The following PCDH11X variants were observed in gnomAD, a reference collection of about 807,000 sequenced individuals.
PCDH11X encodes the protein protocadherin 11 X-linked.
A neutral mutation model predicts 53.3 loss-of-function variants in PCDH11X; 18 were observed. The observed-to-expected ratio is 0.34, with a 90% CI of 0.23 to 0.50. PCDH11X has a LOEUF of 0.50. PCDH11X is among the 20% of genes least tolerant of loss of function. The pLI, the probability that PCDH11X is intolerant of heterozygous loss-of-function variation, is 0.98. For missense variants in PCDH11X, 570 were observed against 1,032.4 expected (o/e 0.55, Z 6.14); for synonymous variants, 279 against 393.3 (o/e 0.71, Z 3.44).
chrX:92,448,373 G>A (rs1274489229), intron 9 of PCDH11X, among the ~76,000 whole-genome samples: 3 of 87,690 alleles, frequency 3.4e-5, no homozygotes, highest in African/African-American at 8.5e-5. Context: ...CTGAATTATG[G>A]GGGTGGGTCT....
rs978870216 is a variant in PCDH11X, at chrX:92,620,493, G to C, written c.*1553G>C. The C allele has an allele frequency of 2.9e-5, 3 of 102,411 alleles. No homozygotes were observed. The highest frequency in any genetic ancestry group is 1.1e-4 in the African/African-American group (3 of 28,380). The allele number at this position is 102,411 out of a possible 1,213,427, so 8.4% of individuals were successfully genotyped here. ...ATGGGGGCGGTTGGGGTGGGGGGGG[G>C]AGTCAATATCTCCTATTGATTAACT... On this transcript the variant is annotated 3_prime_UTR_variant, in exon 11 of 11. Transcript: ENST00000682573.
In PCDH11X at chrX:91,877,875, C is replaced by A; in HGVS notation, c.1635C>A (p.Asn545Lys). The A allele has an allele frequency of 8.3e-7, 1 of 1,211,632 alleles. No individual in the cohort carries two copies. The highest frequency in any genetic ancestry group is 1.1e-6 in the Non-Finnish European group (1 of 895,433). Residue 545 changes from asparagine to lysine, a missense_variant, in exon 6 of 11, where the codon AAC (asparagine) becomes AAA (lysine). By Grantham distance (94) the Asn-to-Lys change is moderately conservative (BLOSUM62 0). Coordinates refer to ENST00000682573, the MANE Select transcript of PCDH11X (RefSeq NM_032968.5). The part of the protein sequence containing the change: ...KYLFTILAKD[N>K]GVPPLTSNVT... The stretch of plus-strand genomic sequence containing the variant: ...TATTCACAATTCTGGCAAAAGATAA[C>A]GGGGTACCACCCTTAACCAGCAATG...
chrX:92,197,672 G>A (rs2066314374), intron 6 of PCDH11X, among the ~76,000 whole-genome samples: 1 of 111,911 alleles, frequency 8.9e-6, no homozygotes, highest in African/African-American at 3.2e-5. Flanking sequence ...ATGCATGTTT[G>A]AGGAGACCTT....
intron 9 of PCDH11X, among the ~76,000 whole-genome samples, chrX:92,452,492 T>A (rs1346179612): frequency 2.0e-5 from 1 of 50,592 alleles, no homozygotes; most frequent in Non-Finnish European, 3.2e-5. Context: ...TATATATATA[T>A]ATATATGTTT....
intron 8 of PCDH11X, among the ~76,000 whole-genome samples, chrX:92,385,167 A>T (rs191044983): frequency 0.031 from 2,651 of 86,713 alleles, 229 homozygotes; most frequent in African/African-American, 0.11. Context: ...TGAAGAATAG[A>T]GTATTGATGA....
intron 9 of PCDH11X, among the ~76,000 whole-genome samples, chrX:92,417,509 A>G (rs5984953): frequency 0.41 from 45,563 of 110,049 alleles, 6,977 homozygotes; most frequent in East Asian, 0.77. Flanking sequence ...TACTTACAAT[A>G]GTGAAATAGA....
intron 8 of PCDH11X, among the ~76,000 whole-genome samples, chrX:92,336,121 G>T (rs1337827897): frequency 9.1e-6 from 1 of 110,244 alleles, no homozygotes; most frequent in African/African-American, 3.3e-5. Context: ...TATCAAAATA[G>T]AAAAAAATAA....
At chrX:92,617,165 C>A (rs900087677) in intron 10 of PCDH11X, among the ~76,000 whole-genome samples, 1 of 111,606 alleles carries the variant, frequency 9.0e-6, no homozygotes, top group African/African-American at 3.3e-5. Flanking sequence ...CAGCTGTTAT[C>A]TTTTTGTAGG....
At chrX:92,043,925 T>G (rs2063245977) in intron 6 of PCDH11X, among the ~76,000 whole-genome samples, 1 of 110,098 alleles carries the variant, frequency 9.1e-6, no homozygotes, top group South Asian at 3.9e-4. Context: ...TTTATAATCT[T>G]GCGAGGCTGA....
At chrX:92,520,278 C>T (rs748877301) in intron 10 of PCDH11X, among the ~76,000 whole-genome samples, 1 of 106,183 alleles carries the variant, frequency 9.4e-6, no homozygotes, top group African/African-American at 3.4e-5. Flanking sequence ...TTACATTAAG[C>T]TATAGTCTAT....
At chrX:92,490,382 C>T (rs2073733778) in intron 10 of PCDH11X, among the ~76,000 whole-genome samples, 1 of 111,446 alleles carries the variant, frequency 9.0e-6, no homozygotes, top group Non-Finnish European at 1.9e-5. Context: ...ATTTTTCTTC[C>T]TTGCATTTAT....
chrX:92,475,899 T>G (rs988884229), intron 10 of PCDH11X, among the ~76,000 whole-genome samples: 6 of 111,772 alleles, frequency 5.4e-5, no homozygotes, highest in African/African-American at 2.0e-4. Flanking sequence ...CTCTGTGTAT[T>G]TTCAAATAGC....
At chrX:92,505,161 T>TG (rs1556456813) in intron 10 of PCDH11X, among the ~76,000 whole-genome samples, 4 of 79,924 alleles carry the variant, frequency 5.0e-5, no homozygotes, top group African/African-American at 1.2e-4. Context: ...TCTTTTTTTT[T>TG]TTTTTGTTTT....
At chrX:92,163,867 TTC>T (rs2065686089) in intron 6 of PCDH11X, among the ~76,000 whole-genome samples, 1 of 111,548 alleles carries the variant, frequency 9.0e-6, no homozygotes, top group African/African-American at 3.3e-5. Context: ...ATCCACCATC[TTC>T]TCTCTCTGCA....
chrX:92,523,905 A>AT (rs758591412), intron 10 of PCDH11X, among the ~76,000 whole-genome samples: 5 of 107,732 alleles, frequency 4.6e-5, no homozygotes, highest in South Asian at 8.0e-4. Flanking sequence ...AATTTTTAGC[A>AT]TTTTTTTTCA....
intron 10 of PCDH11X, among the ~76,000 whole-genome samples, chrX:92,518,905 C>T (rs147688334): frequency 0.018 from 1,905 of 108,090 alleles, 45 homozygotes; most frequent in African/African-American, 0.061. Context: ...TACAAGTGCC[C>T]GACACCACAC....
At chrX:92,406,098 CAAAA>C (rs61310716) in intron 9 of PCDH11X, among the ~76,000 whole-genome samples, 1 of 56,494 alleles carries the variant, frequency 1.8e-5, no homozygotes, top group Admixed American at 2.5e-4. Context: ...GACTCTGTCT[CAAAA>C]AAAAAAAAAA....
At chrX:92,055,594 G>A in intron 6 of PCDH11X, among the ~76,000 whole-genome samples, 1 of 110,284 alleles carries the variant, frequency 9.1e-6, no homozygotes, top group South Asian at 3.9e-4. Flanking sequence ...CAGGGTACAT[G>A]TGCAGGTTTG....
intron 5 of PCDH11X, among the ~76,000 whole-genome samples, chrX:91,867,409 G>A (rs1405603295): frequency 9.1e-6 from 1 of 109,774 alleles, no homozygotes; most frequent in Non-Finnish European, 1.9e-5. Flanking sequence ...ACAGAAAATT[G>A]GTGGCATTTT....
Sources: gnomAD v4.1 joint callset for allele counts (sites outside exome capture counted in the v4.1 genomes callset) on GRCh38, gnomAD v4.1.1 for gene constraint, MANE v1.5 for transcripts, NCBI Gene and HGNC (gene_info 2026-07-23, HGNC 2026-07-21) for gene names.